SNX6: variants seen among roughly 807,000 people sequenced by gnomAD.
SNX6 encodes sorting nexin-6.
SNX6 carries 34 observed loss-of-function variants against 63.0 expected under a neutral mutation model. The observed-to-expected ratio is 0.54, with a 90% confidence interval of 0.41 to 0.72. The LOEUF (loss-of-function observed/expected upper bound fraction) is 0.72. SNX6 is among the 30% of genes least tolerant of loss of function. SNX6 has a pLI of 0.00. For synonymous variants in SNX6, 170 were observed against 164.2 expected, an observed-to-expected ratio of 1.04 and a Z score of -0.27; for missense variants, 398 against 471.4, an observed-to-expected ratio of 0.84 and a Z score of 1.44.
chr14:34,622,569 CAA>C lies in SNX6; in HGVS notation c.54+7336_54+7337del, dbSNP rs35554563. Among the ~76,000 whole-genome samples the C allele has an allele frequency of 9.8e-3, 975 of 99,634 alleles. 8 individuals carry two copies. The highest frequency in any genetic ancestry group is 0.029 in the African/African-American group (761 of 26,270). The allele number at this position is 99,634 out of a possible 152,430, so 65.4% of individuals were successfully genotyped here. ...CTGCACTCCAGCCTGGGCAATAGAG[CAA>C]AAAAAAAAAAAAAAAAAAGATTCCT... is the stretch of plus-strand genomic sequence containing the variant. On this transcript the variant is annotated intron_variant, in intron 2 of 13. Coordinates refer to ENST00000362031, the MANE Select transcript of SNX6 (RefSeq NM_152233.4).
chr14:34,574,649 A>C (rs545867775), intron 11 of SNX6, among the ~76,000 whole-genome samples: 2 of 151,628 alleles, frequency 1.3e-5, no homozygotes, highest in South Asian at 2.1e-4. Context: ...AAAAGAAAGA[A>C]ATCCTTTAGC....
intron 9 of SNX6, among the ~76,000 whole-genome samples, chr14:34,583,848 G>A (rs1261610744): frequency 1.5e-5 from 1 of 65,072 alleles, no homozygotes; most frequent in East Asian, 5.3e-4. Context: ...TTGGGAAGGT[G>A]GCTTTTTTTT....
Position 34,597,557 on chromosome 14 carries a change from C to A in SNX6, c.605G>T (p.Gly202Val). 2 of 1,578,568 alleles carry A rather than the reference C, an allele frequency of 1.3e-6. No individual in the cohort carries two copies. The highest frequency in any genetic ancestry group is 2.2e-5 in the East Asian group (1 of 44,664). Residue 202 changes from glycine to valine, a missense_variant, in exon 7 of 14, where the codon GGA becomes GTA. Coordinates refer to ENST00000362031, the MANE Select transcript of SNX6 (RefSeq NM_152233.4). ...AATCAAATAAAATCTTACCTTTACT[C>A]CTGAAACGATTACTCCATCTGCTGA... ...VKSADGVIVS[G>V]VKDVDDFFEH...
chr14:34,567,838 G>A lies in SNX6; in HGVS notation c.1081+16C>T, dbSNP rs1353195752. On this transcript the variant is annotated intron_variant, in intron 12 of 13. Transcript: ENST00000362031. ...CATAAAGCATATCTTGTGATTAAAG[G>A]TTAACGTAACAGTACCTTGTTTTGC... 2 of 1,613,592 alleles carry A rather than the reference G, an allele frequency of 1.2e-6. No individual in the cohort carries two copies. Among genetic ancestry groups the A allele is most frequent in the Admixed American group, 1.7e-5 (1 of 59,914 alleles).
chr14:34,569,852 T>C (rs564922959), intron 11 of SNX6, among the ~76,000 whole-genome samples: 2 of 152,306 alleles, frequency 1.3e-5, no homozygotes, highest in South Asian at 2.1e-4. Flanking sequence ...CTGTGAACAT[T>C]TGCATACAAG....
chr14:34,563,887 T>C (rs1881049030), intron 13 of SNX6, among the ~76,000 whole-genome samples: 1 of 152,152 alleles, frequency 6.6e-6, no homozygotes, highest in African/African-American at 2.4e-5. Context: ...TACAGGTGTC[T>C]GCCACCATGC....
At chr14:34,602,566 G>A (rs996435792) in intron 6 of SNX6, among the ~76,000 whole-genome samples, 11 of 145,668 alleles carry the variant, frequency 7.6e-5, no homozygotes, top group Admixed American at 2.1e-4. Flanking sequence ...ACTTCAGCCT[G>A]GACGACAGAG....
intron 11 of SNX6, among the ~76,000 whole-genome samples, chr14:34,569,300 T>C (rs1328737475): frequency 6.6e-6 from 1 of 152,140 alleles, no homozygotes; most frequent in Non-Finnish European, 1.5e-5. Flanking sequence ...TTAGAACACT[T>C]TCATCACCCA....
rs1195935812 is a variant in SNX6 at position 34,612,474 on chromosome 14, CT to C, written c.55-2733del. Among the ~76,000 whole-genome samples the C allele has an allele frequency of 5.4e-5, 6 of 111,666 alleles. No homozygotes were observed. In the East Asian group the frequency reaches 1.7e-3, roughly 32 times the overall value. 73.3% of individuals were successfully genotyped at this position (111,666 alleles called of 152,430 possible). A position where few individuals can be genotyped will look rare whatever the true frequency, so the allele number is the denominator to read the frequency against. ...TTGAGATGGAGTCTCACTTTGTCCCCTGAGGTTGGAGTGCAGTGGCCCCATC... is the reference window on the plus strand; with the variant it reads ...TTGAGATGGAGTCTCACTTTGTCCCCGAGGTTGGAGTGCAGTGGCCCCATC... On this transcript the variant is annotated intron_variant, in intron 2 of 13. Coordinates refer to ENST00000362031, the MANE Select transcript of SNX6 (RefSeq NM_152233.4).
chr14:34,604,056 A>G (rs548837572), intron 5 of SNX6: 523 of 251,752 alleles, frequency 2.1e-3, no homozygotes, highest in South Asian at 4.3e-3. Context: ...AGTTTGGGGG[A>G]AAAAAAAAAA....
chr14:34,568,667 T>C, intron 11 of SNX6: 1 of 885,734 alleles, frequency 1.1e-6, no homozygotes, highest in Non-Finnish European at 1.8e-6. Context: ...TGAGGCAATT[T>C]ATTAACCCAG....
At chr14:34,570,876 A>G (rs977145154) in intron 11 of SNX6, among the ~76,000 whole-genome samples, 1 of 150,022 alleles carries the variant, frequency 6.7e-6, no homozygotes, top group Non-Finnish European at 1.5e-5. Flanking sequence ...GGCGCCCACC[A>G]CCACGCCCGG....
chr14:34,579,909 G>A (rs1212860751), intron 10 of SNX6, among the ~76,000 whole-genome samples: 1 of 152,120 alleles, frequency 6.6e-6, no homozygotes, highest in African/African-American at 2.4e-5. Flanking sequence ...GCTGGGCCGA[G>A]CACAGTGGCT....
chr14:34,609,942 T>C (rs1464712849), intron 2 of SNX6, among the ~76,000 whole-genome samples, 200 bp from the exon 3 acceptor site: 1 of 152,194 alleles, frequency 6.6e-6, no homozygotes, highest in African/African-American at 2.4e-5. Flanking sequence ...TTCTATAGTA[T>C]TCAATTCTAG....
At chr14:34,563,762 G>A (rs1201392705) in intron 13 of SNX6, among the ~76,000 whole-genome samples, 4 of 149,810 alleles carry the variant, frequency 2.7e-5, no homozygotes, top group African/African-American at 7.4e-5. Flanking sequence ...TTTCTGAGAT[G>A]GAGTATCACT....
intron 3 of SNX6, among the ~76,000 whole-genome samples, chr14:34,609,019 C>A (rs1053388419): frequency 1.3e-5 from 2 of 151,376 alleles, no homozygotes; most frequent in Non-Finnish European, 2.9e-5. Flanking sequence ...ATGACAGAGA[C>A]TCCGTCTCAA....
intron 5 of SNX6, among the ~76,000 whole-genome samples, chr14:34,604,834 C>A (rs1882953536): frequency 6.9e-6 from 1 of 145,262 alleles, no homozygotes. Flanking sequence ...GATGCTCAAC[C>A]AGTAAGTATA....
At chr14:34,618,025 T>C (rs1238881511) in intron 2 of SNX6, among the ~76,000 whole-genome samples, 1 of 152,166 alleles carries the variant, frequency 6.6e-6, no homozygotes, top group Non-Finnish European at 1.5e-5. Context: ...CAGTTGTTCA[T>C]ATTTTGACAG....
At position 34,618,365 on chromosome 14, in the gene SNX6, G is replaced by GT. The variant is rs1555328537; in HGVS notation, c.55-8624_55-8623insA. ...TGCCATGTGGCCTCCTTTTTGGGGA[G>GT]GGGGGGATGGAGTCTTGCTCTGTCG... On this transcript the variant is annotated intron_variant, in intron 2 of 13. Coordinates refer to ENST00000362031, the MANE Select transcript of SNX6 (RefSeq NM_152233.4). Among the ~76,000 whole-genome samples the GT allele has an allele frequency of 9.6e-5, 8 of 83,010 alleles. No individual in the cohort carries two copies. The African/African-American group carries it at 1.1e-3, about 12-fold the overall frequency. 54.5% of individuals were successfully genotyped at this position (83,010 alleles called of 152,430 possible).
Sources: allele counts gnomAD v4.1 joint callset (sites outside exome capture counted in the v4.1 genomes callset), GRCh38; gene constraint gnomAD v4.1.1; transcripts MANE v1.5; gene names NCBI Gene and HGNC (gene_info 2026-07-23, HGNC 2026-07-21).